PDE8A: variants seen among roughly 807,000 people sequenced by gnomAD.
PDE8A encodes high affinity cAMP-specific and IBMX-insensitive 3',5'-cyclic phosphodiesterase 8A.
In PDE8A, 59 loss-of-function variants were observed where a neutral mutation model predicts 105.0. The observed-to-expected ratio is 0.56, with a 90% CI of 0.46 to 0.70. PDE8A has a LOEUF of 0.70. PDE8A is among the 30% of genes least tolerant of loss of function. The pLI is 0.00. For missense variants in PDE8A, 1,014 were observed against 1,045.9 expected, an observed-to-expected ratio of 0.97 and a Z score of 0.42; for synonymous variants, 355 against 371.9, an observed-to-expected ratio of 0.95 and a Z score of 0.52.
chr15:85,098,865 G>C (rs1187330105), intron 9 of PDE8A, among the ~76,000 whole-genome samples: 2 of 152,036 alleles, frequency 1.3e-5, no homozygotes, highest in African/African-American at 4.8e-5. Flanking sequence ...GCCGATGTGG[G>C]AGAATCGCTT....
intron 1 of PDE8A, among the ~76,000 whole-genome samples, chr15:85,043,911 C>A (rs2080849960): frequency 6.6e-6 from 1 of 152,114 alleles, no homozygotes; most frequent in Admixed American, 6.5e-5. Context: ...ATTGGCCAGG[C>A]TGGTCTCGAA....
At chr15:85,126,146 A>G (rs1020340635) in intron 19 of PDE8A, 61 bp from the exon 20 acceptor site, 6 of 1,262,960 alleles carry the variant, frequency 4.8e-6, no homozygotes, top group Non-Finnish European at 6.7e-6. Context: ...ACAGACCAGT[A>G]AGAGAGGGCT....
intron 1 of PDE8A, among the ~76,000 whole-genome samples, chr15:85,040,662 G>T (rs2080790759): frequency 6.7e-6 from 1 of 149,802 alleles, no homozygotes; most frequent in African/African-American, 2.5e-5. Context: ...CCGGGTTCAC[G>T]CCATTCTCCT....
intron 3 of PDE8A, among the ~76,000 whole-genome samples, chr15:85,072,530 G>C (rs936921596): frequency 2.6e-5 from 4 of 152,128 alleles, no homozygotes; most frequent in African/African-American, 9.7e-5. Context: ...AGTATACTTA[G>C]GGAAGGAGCA....
chr15:85,128,047 C>A (rs1596546079), intron 20 of PDE8A, among the ~76,000 whole-genome samples: 5 of 113,370 alleles, frequency 4.4e-5, no homozygotes, highest in Admixed American at 1.0e-4. Flanking sequence ...TTGGATATTC[C>A]TATGCAAAAA....
chr15:85,084,245 T>C (rs895340569), intron 6 of PDE8A, among the ~76,000 whole-genome samples: 1 of 152,190 alleles, frequency 6.6e-6, no homozygotes, highest in Non-Finnish European at 1.5e-5. Flanking sequence ...AAAGAGAGAA[T>C]TGGATCATTT....
intron 1 of PDE8A, among the ~76,000 whole-genome samples, chr15:85,058,452 A>AT (rs1319071864): frequency 1.3e-5 from 2 of 152,118 alleles, no homozygotes; most frequent in South Asian, 2.1e-4. Flanking sequence ...TTTCTCTTCA[A>AT]TTTTTTGTAA....
intron 1 of PDE8A, among the ~76,000 whole-genome samples, chr15:85,022,426 G>GTTTTT (rs3042744): frequency 7.4e-6 from 1 of 134,466 alleles, no homozygotes. Context: ...TATTGGAAGT[G>GTTTTT]TTTTTTTTTT....
rs1555478265 is a variant in PDE8A, at chr15:85,095,881, T to TA, written c.853-2067_853-2066insA. Among the ~76,000 whole-genome samples, 513 of 148,542 alleles carry TA rather than the reference T, an allele frequency of 3.5e-3. 14 individuals are homozygous for TA. In the East Asian group the frequency reaches 0.046, roughly 13 times the overall value. ...CTGAATATATATATATATATTTTTT[T>TA]TATATATATATTTTTTGTTTTTGTT... On this transcript the variant is annotated intron_variant, in intron 8 of 21. Coordinates refer to ENST00000394553, the MANE Select transcript of PDE8A (RefSeq NM_002605.3).
chr15:84,981,013 T>C (rs2079698030), upstream of PDE8A, among the ~76,000 whole-genome samples: 1 of 152,144 alleles, frequency 6.6e-6, no homozygotes, highest in Admixed American at 6.5e-5. Flanking sequence ...GCGCCCCAGT[T>C]TGACTTTCAC....
chr15:85,108,971 TA>T, intron 11 of PDE8A, 81 bp from the exon 12 acceptor site: 1 of 966,348 alleles, frequency 1.0e-6, no homozygotes, highest in South Asian at 1.5e-5. Context: ...TTGAGAGTTT[TA>T]AAAAAATTTT....
At chr15:85,134,935 A>T (rs886988155) in intron 20 of PDE8A, among the ~76,000 whole-genome samples, 10 of 152,160 alleles carry the variant, frequency 6.6e-5, no homozygotes, top group Non-Finnish European at 1.5e-4. Context: ...GAAAAAAGGC[A>T]ATGGAGTCAG....
intron 13 of PDE8A, 133 bp from the exon 14 acceptor site, chr15:85,113,739 CA>C (rs550959777): frequency 3.4e-5 from 24 of 705,370 alleles, no homozygotes; most frequent in Non-Finnish European, 5.7e-5. Flanking sequence ...AGGCTAGTCT[CA>C]AACTCCTGGG....
intron 6 of PDE8A, among the ~76,000 whole-genome samples, chr15:85,088,917 A>G (rs2081596007): frequency 6.6e-6 from 1 of 152,220 alleles, no homozygotes; most frequent in South Asian, 2.1e-4. Flanking sequence ...GTTTAAAATA[A>G]TAGGTAGAAA....
chr15:85,062,993 A>G (rs2081169682), intron 1 of PDE8A: 1 of 152,200 alleles, frequency 6.6e-6, no homozygotes, highest in Non-Finnish European at 1.5e-5. Context: ...TAGTTACACA[A>G]CTCAAGAGAA....
At chr15:85,074,102 G>C (rs971478223) in intron 3 of PDE8A, among the ~76,000 whole-genome samples, 3 of 152,224 alleles carry the variant, frequency 2.0e-5, no homozygotes, top group African/African-American at 7.2e-5. Context: ...GAACATGAGA[G>C]AGACTGGCTG....
intron 11 of PDE8A, among the ~76,000 whole-genome samples, chr15:85,102,763 C>T (rs377306831): frequency 2.0e-5 from 3 of 148,736 alleles, no homozygotes; most frequent in East Asian, 2.0e-4. Flanking sequence ...CACTTGAACC[C>T]GGGAGGCTGA....
rs1037672065 is a variant in PDE8A at position 85,056,029 on chromosome 15, G to A, written c.187-8341G>A. The stretch of plus-strand genomic sequence containing the variant: ...GTGGTGACAAAATCTCTCAGCATTT[G>A]CTTGTCTGTAAAGGATTTTATTTCT... On this transcript the variant is annotated intron_variant, in intron 1 of 21. Transcript: ENST00000394553. Among the ~76,000 whole-genome samples, 12 of 152,190 alleles carry A rather than the reference G, an allele frequency of 7.9e-5. No individual in the cohort carries two copies. In the South Asian group the frequency reaches 1.2e-3, roughly 16 times the overall value.
At chr15:85,058,630 T>C (rs13380056) in intron 1 of PDE8A, among the ~76,000 whole-genome samples, 34,472 of 152,104 alleles carry the variant, frequency 0.23, 4,083 homozygotes, top group East Asian at 0.38. Context: ...TTGGTCTTCG[T>C]ACTTTTTGCG....
Sources: gnomAD v4.1 joint callset for allele counts (sites outside exome capture counted in the v4.1 genomes callset) on GRCh38, gnomAD v4.1.1 for gene constraint, MANE v1.5 for transcripts, NCBI Gene and HGNC (gene_info 2026-07-23, HGNC 2026-07-21) for gene names.